ELK3: variants seen among roughly 807,000 people sequenced by gnomAD.
The protein encoded by ELK3 is ETS transcription factor ELK3.
A neutral mutation model predicts 28.9 loss-of-function variants in ELK3; 10 were observed. The observed-to-expected ratio is 0.35, with a 90% CI of 0.21 to 0.59. ELK3 has a LOEUF of 0.59. ELK3 is among the 20% of genes least tolerant of loss of function. ELK3 has a pLI of 0.82. For missense variants in ELK3, 463 were observed against 517.3 expected (o/e 0.90, Z 1.02); for synonymous variants, 272 against 243.5 (o/e 1.12, Z -1.09).
chr12:96,228,415 TC>T (rs1431655215), intron 2 of ELK3, among the ~76,000 whole-genome samples: 47 of 32,940 alleles, frequency 1.4e-3, no homozygotes, highest in Admixed American at 2.3e-3. Context: ...AGACTCTGTG[TC>T]AAAAAAAAAA....
intron 2 of ELK3, among the ~76,000 whole-genome samples, chr12:96,228,304 G>C (rs1273415059): frequency 1.3e-5 from 2 of 149,820 alleles, no homozygotes; most frequent in East Asian, 2.0e-4. Flanking sequence ...TGTGGTCCCA[G>C]TTACTCCAGA....
chr12:96,198,767 T>TA (rs1485896675), intron 1 of ELK3, among the ~76,000 whole-genome samples: 1 of 152,184 alleles, frequency 6.6e-6, no homozygotes, highest in Non-Finnish European at 1.5e-5. Flanking sequence ...TTCAGTTTTT[T>TA]AAAAAAATGC....
chr12:96,206,738 G>C (rs1951540637), intron 1 of ELK3, among the ~76,000 whole-genome samples: 2 of 152,228 alleles, frequency 1.3e-5, no homozygotes, highest in Non-Finnish European at 2.9e-5. Flanking sequence ...GACTGCCCAA[G>C]CCAGTGGATG....
At chr12:96,215,175 A>G (rs1440746745) in intron 1 of ELK3, among the ~76,000 whole-genome samples, 1 of 151,782 alleles carries the variant, frequency 6.6e-6, no homozygotes, top group African/African-American at 2.4e-5. Flanking sequence ...AATCAAAGCT[A>G]ATTCTGCCCC....
At chr12:96,207,066 C>T (rs1951542512) in intron 1 of ELK3, among the ~76,000 whole-genome samples, 2 of 152,150 alleles carry the variant, frequency 1.3e-5, no homozygotes, top group Non-Finnish European at 2.9e-5. Context: ...AATAACAGTA[C>T]CCACCAGGAA....
At chr12:96,242,450 T>C (rs1421179822) in intron 2 of ELK3, among the ~76,000 whole-genome samples, 1 of 152,256 alleles carries the variant, frequency 6.6e-6, no homozygotes, top group Non-Finnish European at 1.5e-5. Flanking sequence ...AAATAATACG[T>C]GCTCAGCACA....
chr12:96,220,870 A>T (rs990618853), intron 1 of ELK3, among the ~76,000 whole-genome samples: 1 of 152,112 alleles, frequency 6.6e-6, no homozygotes, highest in East Asian at 1.9e-4. Flanking sequence ...TTTTTCTCAC[A>T]AGTCAGTGTC....
At chr12:96,203,469 C>T (rs938217363) in intron 1 of ELK3, among the ~76,000 whole-genome samples, 3 of 152,180 alleles carry the variant, frequency 2.0e-5, no homozygotes, top group Non-Finnish European at 4.4e-5. Flanking sequence ...GCACTTTGTA[C>T]AATACCTGGC....
At chr12:96,259,976 G>T in intron 4 of ELK3, 123 bp downstream of exon 4, 1 of 1,334,268 alleles carries the variant, frequency 7.5e-7, no homozygotes. Flanking sequence ...TGTCCAGAGG[G>T]GGTTCATGTT....
At position 96,263,747 on chromosome 12, in the gene ELK3, C is replaced by T. The variant is rs553830053; in HGVS notation, c.1126-3335C>T. ...CATTTAGATGAATAGAGCCGAATGA[C>T]GGGGACGTGAGAGTCTGTTCAGGAA... On this transcript the variant is annotated intron_variant, in intron 4 of 4. Transcript: ENST00000228741. 9.2e-5 allele frequency among the ~76,000 whole-genome samples: 14 copies of T among 152,224 alleles called. 1 individual carries two copies. The highest frequency in any genetic ancestry group is 5.9e-4 in the Admixed American group (9 of 15,292).
chr12:96,205,333 A>G (rs1951532861), intron 1 of ELK3, among the ~76,000 whole-genome samples: 1 of 152,170 alleles, frequency 6.6e-6, no homozygotes, highest in Non-Finnish European at 1.5e-5. Flanking sequence ...GCAGTACCTC[A>G]GTTTCCTTGT....
chr12:96,242,362 A>G (rs1278800794), intron 2 of ELK3, among the ~76,000 whole-genome samples: 2 of 152,286 alleles, frequency 1.3e-5, no homozygotes, highest in East Asian at 3.9e-4. Context: ...TATCTCCAAA[A>G]TGGGGATAAT....
At chr12:96,219,151 A>T (rs1249013377) in intron 1 of ELK3, among the ~76,000 whole-genome samples, 3 of 152,160 alleles carry the variant, frequency 2.0e-5, no homozygotes, top group African/African-American at 4.8e-5. Flanking sequence ...CCACTTTTTC[A>T]ATTGTTGATT....
At chr12:96,262,972 A>G (rs1952004958) in intron 4 of ELK3, among the ~76,000 whole-genome samples, 1 of 152,172 alleles carries the variant, frequency 6.6e-6, no homozygotes, top group Admixed American at 6.5e-5. Flanking sequence ...AAACTGATGA[A>G]AATAATTTTC....
At chr12:96,259,924 G>A in intron 4 of ELK3, 71 bp downstream of exon 4, 1 of 1,492,356 alleles carries the variant, frequency 6.7e-7, no homozygotes, top group Non-Finnish European at 8.9e-7. Flanking sequence ...ATCCTGCAGA[G>A]GTAACGGTGA....
At chr12:96,223,057 C>A (rs1951673955) in intron 1 of ELK3, among the ~76,000 whole-genome samples, 1 of 152,184 alleles carries the variant, frequency 6.6e-6, no homozygotes, top group African/African-American at 2.4e-5. Flanking sequence ...CTAAACCATT[C>A]ATGAGAAATC....
intron 2 of ELK3, among the ~76,000 whole-genome samples, chr12:96,236,161 G>A (rs563975631): frequency 1.2e-3 from 182 of 152,288 alleles, no homozygotes; most frequent in Admixed American, 4.0e-3. Flanking sequence ...ACACTTAAAA[G>A]GCCTTTGAAT....
At chr12:96,196,841 C>G (rs919737503) in intron 1 of ELK3, among the ~76,000 whole-genome samples, 48 of 150,960 alleles carry the variant, frequency 3.2e-4, no homozygotes, top group African/African-American at 1.1e-3. Context: ...AATGATGGGG[C>G]CCCTTTATTG....
chr12:96,254,051 C>T (rs894882079), intron 3 of ELK3, among the ~76,000 whole-genome samples: 6 of 152,294 alleles, frequency 3.9e-5, no homozygotes, highest in Non-Finnish European at 7.4e-5. Context: ...AGAGGCTGGG[C>T]GCAGTGGCTC....
Sources: gnomAD v4.1 joint callset for allele counts (sites outside exome capture counted in the v4.1 genomes callset) on GRCh38, gnomAD v4.1.1 for gene constraint, MANE v1.5 for transcripts, NCBI Gene and HGNC (gene_info 2026-07-23, HGNC 2026-07-21) for gene names.